Variants in AMPH observed in about 807,000 individuals in gnomAD.
The protein encoded by AMPH is amphiphysin.
Under a neutral mutation model 99.1 loss-of-function variants are expected in AMPH, and 49 were observed. The observed-to-expected ratio is 0.49, with a 90% CI of 0.39 to 0.63. AMPH has a LOEUF of 0.63. Ranked by LOEUF, AMPH falls within the 20% of genes least tolerant of loss-of-function variation. The pLI is 0.00. For synonymous variants in AMPH, 314 were observed against 317.3 expected, an observed-to-expected ratio of 0.99 and a Z score of 0.11; for missense variants, 759 against 863.4, an observed-to-expected ratio of 0.88 and a Z score of 1.52.
chr7:38,553,694 G>C (rs1171466120), intron 1 of AMPH, among the ~76,000 whole-genome samples: 1 of 152,184 alleles, frequency 6.6e-6, no homozygotes, highest in African/African-American at 2.4e-5. Flanking sequence ...ATGGGGCCTT[G>C]AGTATTGCCA....
chr7:38,506,413 A>G (rs1037607674), intron 2 of AMPH, among the ~76,000 whole-genome samples: 2 of 152,224 alleles, frequency 1.3e-5, no homozygotes, highest in African/African-American at 4.8e-5. Flanking sequence ...ATGGAAGCCC[A>G]AGTGGTGGTC....
chr7:38,514,267 A>G (rs929932996), intron 2 of AMPH, among the ~76,000 whole-genome samples: 1 of 152,248 alleles, frequency 6.6e-6, no homozygotes, highest in Non-Finnish European at 1.5e-5. Context: ...GTAAATCCAT[A>G]GCAAATTCAT....
At chr7:38,506,378 G>T (rs4723762) in intron 2 of AMPH, among the ~76,000 whole-genome samples, 70,166 of 152,024 alleles carry the variant, frequency 0.46, 16,329 homozygotes, top group Admixed American at 0.49. Context: ...CTGGAAAGAT[G>T]AAGGACAAAC....
chr7:38,406,721 TCTC>T (rs1562732334), intron 17 of AMPH, among the ~76,000 whole-genome samples: 1,542 of 115,708 alleles, frequency 0.013, 13 homozygotes, highest in East Asian at 0.023. Context: ...CTCCTCTCTC[TCTC>T]CCTTTCCCTC....
intron 17 of AMPH, among the ~76,000 whole-genome samples, chr7:38,403,497 C>T (rs1255786197): frequency 1.3e-5 from 2 of 152,194 alleles, no homozygotes; most frequent in Non-Finnish European, 2.9e-5. Context: ...CGGCTGTGCA[C>T]CCAGTGTAGG....
intron 1 of AMPH, among the ~76,000 whole-genome samples, chr7:38,615,866 G>A (rs992024382): frequency 6.6e-6 from 1 of 152,148 alleles, no homozygotes; most frequent in African/African-American, 2.4e-5. Context: ...GGGGATCAGA[G>A]CCCAATGTCA....
At chr7:38,416,616 CG>C (rs988003269) in intron 17 of AMPH, among the ~76,000 whole-genome samples, 1 of 152,102 alleles carries the variant, frequency 6.6e-6, no homozygotes, top group African/African-American at 2.4e-5. Flanking sequence ...ATAATAGTAA[CG>C]AAAAATTAAA....
intron 2 of AMPH, among the ~76,000 whole-genome samples, chr7:38,525,237 T>C (rs941466752): frequency 6.9e-6 from 1 of 145,854 alleles, no homozygotes; most frequent in Non-Finnish European, 1.5e-5. Flanking sequence ...GTTGTGTATA[T>C]ATGTAGTTGT....
At chr7:38,498,471 A>C (rs771180884) in intron 3 of AMPH, among the ~76,000 whole-genome samples, 1 of 152,226 alleles carries the variant, frequency 6.6e-6, no homozygotes, top group African/African-American at 2.4e-5. Context: ...ATGTGATTTT[A>C]GGCAAATTAT....
At chr7:38,544,145 G>T (rs1273469302) in intron 1 of AMPH, among the ~76,000 whole-genome samples, 3 of 152,080 alleles carry the variant, frequency 2.0e-5, no homozygotes, top group African/African-American at 7.2e-5. Flanking sequence ...ATATTGTCAG[G>T]AACTCAAATG....
chr7:38,429,718 G>T, intron 14 of AMPH, 124 bp downstream of exon 14: 2 of 1,318,000 alleles, frequency 1.5e-6, no homozygotes, highest in Non-Finnish European at 1.1e-6. Flanking sequence ...TACATTCATT[G>T]GCTTAAGGTT....
At chr7:38,454,056 C>T (rs1340306222) in intron 11 of AMPH, among the ~76,000 whole-genome samples, 1 of 152,188 alleles carries the variant, frequency 6.6e-6, no homozygotes, top group African/African-American at 2.4e-5. Flanking sequence ...ACAATCTGGC[C>T]ATGCACCGAT....
intron 5 of AMPH, among the ~76,000 whole-genome samples, chr7:38,481,681 A>G (rs1176312029): frequency 6.6e-6 from 1 of 152,068 alleles, no homozygotes; most frequent in East Asian, 1.9e-4. Context: ...TCATCCCCTC[A>G]TGAATGGTCC....
chr7:38,522,590 C>A (rs1790009266), intron 2 of AMPH, among the ~76,000 whole-genome samples: 1 of 152,058 alleles, frequency 6.6e-6, no homozygotes, highest in Non-Finnish European at 1.5e-5. Flanking sequence ...GTCAGCAGGC[C>A]TCCAGAGGGG....
chr7:38,631,190 C>T (rs1370848663), intron 1 of AMPH, 93 bp downstream of exon 1: 2 of 1,142,844 alleles, frequency 1.8e-6, no homozygotes, highest in African/African-American at 1.6e-5. Context: ...CGCCGCACCC[C>T]GAGGCTCGGG....
At chr7:38,513,004 T>C (rs1263996971) in intron 2 of AMPH, among the ~76,000 whole-genome samples, 4 of 152,128 alleles carry the variant, frequency 2.6e-5, no homozygotes, top group African/African-American at 9.7e-5. Flanking sequence ...AGAAAGACTA[T>C]AGATAAATGC....
chr7:38,550,149 T>C (rs1006381968), intron 1 of AMPH, among the ~76,000 whole-genome samples: 6 of 152,348 alleles, frequency 3.9e-5, no homozygotes, highest in South Asian at 2.1e-4. Context: ...AGTATGCTGA[T>C]TCTTTATTGG....
intron 1 of AMPH, among the ~76,000 whole-genome samples, chr7:38,596,354 C>T (rs918507897): frequency 6.6e-6 from 1 of 152,150 alleles, no homozygotes; most frequent in African/African-American, 2.4e-5. Flanking sequence ...CCAGCCTGGG[C>T]ACACACAGGA....
At chr7:38,464,351 G>T (rs13239504) in intron 9 of AMPH, among the ~76,000 whole-genome samples, 7,022 of 152,204 alleles carry the variant, frequency 0.046, 180 homozygotes, top group South Asian at 0.1. Flanking sequence ...ACTGAAAACA[G>T]TAACTCTGCC....
Sources: allele counts gnomAD v4.1 joint callset (sites outside exome capture counted in the v4.1 genomes callset), GRCh38; gene constraint gnomAD v4.1.1; transcripts MANE v1.5; gene names NCBI Gene and HGNC (gene_info 2026-07-23, HGNC 2026-07-21).